GKAP1: variants seen among roughly 807,000 people sequenced by gnomAD.
GKAP1 encodes the protein G kinase-anchoring protein 1.
Under a neutral mutation model 56.7 loss-of-function variants are expected in GKAP1, and 31 were observed. The ratio of observed to expected loss-of-function variants is 0.55; its 90% CI spans 0.41 to 0.74. The LOEUF is 0.74. GKAP1 is among the 30% of genes least tolerant of loss of function. The pLI is 0.00. For missense variants in GKAP1, 364 were observed against 402.3 expected (o/e 0.90, Z 0.82); for synonymous variants, 151 against 138.6 (o/e 1.09, Z -0.63).
rs149066611 is a variant in GKAP1 at position 83,743,551 on chromosome 9, C to T, written c.905-951G>A. On this transcript the variant is annotated intron_variant, in intron 10 of 12. Transcript: ENST00000376371. ...CGGAGGCTGCAGTAAGCCAAGCTCACGCCACTGGACTCCAGCCTGGGTGAC... is the reference window on the plus strand; with the variant it reads ...CGGAGGCTGCAGTAAGCCAAGCTCATGCCACTGGACTCCAGCCTGGGTGAC... 8.6e-5 allele frequency among the ~76,000 whole-genome samples: 13 copies of T among 151,448 alleles called. No individual in the cohort carries two copies. The East Asian group carries it at 9.9e-4, about 12-fold the overall frequency.
At chr9:83,815,299 A>G (rs1287030937) in intron 2 of GKAP1, among the ~76,000 whole-genome samples, 1 of 151,786 alleles carries the variant, frequency 6.6e-6, no homozygotes, top group Non-Finnish European at 1.5e-5. Context: ...TTGTGTATAC[A>G]TGGGGTCTCA....
At chr9:83,743,450 C>A (rs988392213) in intron 10 of GKAP1, among the ~76,000 whole-genome samples, 1 of 151,840 alleles carries the variant, frequency 6.6e-6, no homozygotes, top group Non-Finnish European at 1.5e-5. Context: ...CAAAAATTAG[C>A]CAGGTATGGT....
chr9:83,739,488 G>T lies in GKAP1; in HGVS notation c.*209C>A. 1 of 413,344 alleles carries T rather than the reference G, an allele frequency of 2.4e-6. No individual in the cohort carries two copies. The highest frequency in any genetic ancestry group is 4.3e-6 in the Non-Finnish European group (1 of 233,142). The allele number at this position is 413,344 out of a possible 1,614,324, so 25.6% of individuals were successfully genotyped here. ...AAAGTGATAAGAAGTATGGATAGTAGACAACCACTGAATTCTGCTGGAATT... is the reference window on the plus strand; with the variant it reads ...AAAGTGATAAGAAGTATGGATAGTATACAACCACTGAATTCTGCTGGAATT... On this transcript the variant is annotated 3_prime_UTR_variant, in exon 13 of 13. Coordinates refer to ENST00000376371, the MANE Select transcript of GKAP1 (RefSeq NM_025211.4).
At chr9:83,742,661 C>T in intron 10 of GKAP1, 61 bp from the exon 11 acceptor site, 1 of 993,010 alleles carries the variant, frequency 1.0e-6, no homozygotes, top group South Asian at 1.3e-5. Flanking sequence ...TTCAACAATA[C>T]TTCAGGGAAC....
At chr9:83,813,994 G>A (rs138689542) in intron 2 of GKAP1, among the ~76,000 whole-genome samples, 3,737 of 152,170 alleles carry the variant, frequency 0.025, 144 homozygotes, top group African/African-American at 0.078. Flanking sequence ...CAGCTACTTG[G>A]GAGGCTAAGG....
At chr9:83,804,706 C>T (rs1202326930) in intron 3 of GKAP1, among the ~76,000 whole-genome samples, 10 of 149,420 alleles carry the variant, frequency 6.7e-5, no homozygotes, top group Admixed American at 2.0e-4. Flanking sequence ...CCAGCCGCCC[C>T]GTACGGGAGG....
chr9:83,785,090 T>C (rs1483421595), intron 5 of GKAP1, among the ~76,000 whole-genome samples: 1 of 152,176 alleles, frequency 6.6e-6, no homozygotes, highest in Non-Finnish European at 1.5e-5. Flanking sequence ...TGCTACCTTC[T>C]ACCTTTCAAG....
At position 83,799,217 on chromosome 9, in the gene GKAP1, T is replaced by C; in HGVS notation, c.328A>G (p.Asn110Asp). 1 of 1,613,636 alleles carries C rather than the reference T, an allele frequency of 6.2e-7. No homozygotes were observed. The highest frequency in any genetic ancestry group is 8.5e-7 in the Non-Finnish European group (1 of 1,179,798). Residue 110 changes from asparagine (N) to aspartate (D), a missense_variant, in exon 4 of 13, where the codon AAT (asparagine) becomes GAT (aspartate). Physicochemically the swap from Asn to Asp is conservative, Grantham distance 23. Coordinates refer to ENST00000376371, the MANE Select transcript of GKAP1 (RefSeq NM_025211.4). Reference protein sequence around the residue: ...NPVQKDSREENWQEWRQRDEQ... With the variant: ...NPVQKDSREEDWQEWRQRDEQ... The stretch of plus-strand genomic sequence containing the variant: ...TCTCTTTGTCTCCACTCTTGCCAAT[T>C]TTCTTCTCGTGAATCCTTCTGTACT...
intron 4 of GKAP1, 127 bp from the exon 5 acceptor site, chr9:83,788,805 A>G: frequency 1.9e-6 from 1 of 522,114 alleles, no homozygotes. Flanking sequence ...GGATTCTCCA[A>G]AGTTATCTAA....
At chr9:83,754,870 T>C (rs1021527834) in intron 8 of GKAP1, among the ~76,000 whole-genome samples, 11 of 152,150 alleles carry the variant, frequency 7.2e-5, no homozygotes, top group African/African-American at 1.9e-4. Context: ...TGTGTGGAAA[T>C]GAAATGGAGT....
At chr9:83,777,017 T>C (rs11140247) in intron 7 of GKAP1, among the ~76,000 whole-genome samples, 86,897 of 152,030 alleles carry the variant, frequency 0.57, 25,475 homozygotes, top group Admixed American at 0.7. Flanking sequence ...TTCACACAGT[T>C]CTTTTTATTT....
chr9:83,771,384 C>T (rs1332145482), intron 7 of GKAP1, among the ~76,000 whole-genome samples: 3 of 152,146 alleles, frequency 2.0e-5, no homozygotes, highest in Admixed American at 2.0e-4. Context: ...TGCCTGTCCC[C>T]ACATTCTTGA....
intron 10 of GKAP1, among the ~76,000 whole-genome samples, chr9:83,746,680 A>C (rs1943300621): frequency 6.6e-6 from 1 of 151,520 alleles, no homozygotes; most frequent in Non-Finnish European, 1.5e-5. Context: ...GGCAACAGAG[A>C]AAGACTCCTT....
rs748846032 is a variant in GKAP1, at chr9:83,739,748, TAAA to T, written c.1054-7_1054-5del. The T allele has an allele frequency of 4.3e-4, 624 of 1,461,084 alleles. No individual in the cohort carries two copies. Among genetic ancestry groups the T allele is most frequent in the South Asian group, 8.6e-4 (71 of 82,666 alleles). The allele number at this position is 1,461,084 out of a possible 1,614,324, so 90.5% of individuals were successfully genotyped here. On this transcript the variant is annotated splice_polypyrimidine_tract_variant and splice_region_variant and intron_variant, in intron 12 of 12. Coordinates refer to ENST00000376371, the MANE Select transcript of GKAP1 (RefSeq NM_025211.4). ...TTCTTTTCCCTTTTCTGCCACCCTG[TAAA>T]AAAAAAAAAAAATAGGGAAAATTAT... is the stretch of plus-strand genomic sequence containing the variant.
At chr9:83,798,848 CAA>C in intron 4 of GKAP1, among the ~76,000 whole-genome samples, 1 of 152,220 alleles carries the variant, frequency 6.6e-6, no homozygotes, top group East Asian at 1.9e-4. Context: ...GTATTTTTAA[CAA>C]GAGATTTCTG....
In GKAP1 at chr9:83,768,891, A is replaced by G. The variant is rs762755807; in HGVS notation, c.665T>C (p.Ile222Thr). The G allele has an allele frequency of 1.2e-6, 2 of 1,611,804 alleles. No homozygotes were observed. The highest frequency in any genetic ancestry group is 1.7e-5 in the Admixed American group (1 of 59,974). The change falls in exon 8 of 13, where the codon ATT becomes ACT. Residue 222 changes from isoleucine to threonine, a missense_variant. Ile to Thr is a moderately conservative substitution (Grantham distance 89, BLOSUM62 -1). Transcript: ENST00000376371. ...AAGCTGTTCTCTTCGTTTTTCTCTA[A>G]TAAGAATTTTATGAACATCATCTTC... ...RLEDDVHKIL[I>T]REKRREQLTE...
At chr9:83,802,140 T>C (rs1231252843) in intron 3 of GKAP1, among the ~76,000 whole-genome samples, 1 of 152,128 alleles carries the variant, frequency 6.6e-6, no homozygotes, top group African/African-American at 2.4e-5. Flanking sequence ...TAAGTAAAGC[T>C]AAGGATGTCT....
chr9:83,815,973 G>A (rs999337648), intron 2 of GKAP1, among the ~76,000 whole-genome samples: 2 of 149,068 alleles, frequency 1.3e-5, no homozygotes, highest in Non-Finnish European at 3.0e-5. Flanking sequence ...AGATCACGAG[G>A]TCAGGAGTTC....
chr9:83,802,831 T>TA (rs58651185), intron 3 of GKAP1, among the ~76,000 whole-genome samples: 3,623 of 144,512 alleles, frequency 0.025, 132 homozygotes, highest in African/African-American at 0.084. Flanking sequence ...GTCTTCTCTT[T>TA]AAAAAAAAAA....
Sources: gnomAD v4.1 joint callset for allele counts (sites outside exome capture counted in the v4.1 genomes callset) on GRCh38, gnomAD v4.1.1 for gene constraint, MANE v1.5 for transcripts, NCBI Gene and HGNC (gene_info 2026-07-23, HGNC 2026-07-21) for gene names.